PIBF1: variants seen among roughly 807,000 people sequenced by gnomAD.
The protein encoded by PIBF1 is progesterone immunomodulatory binding factor 1.
In PIBF1, 90 loss-of-function variants were observed where a neutral mutation model predicts 112.5. The observed-to-expected ratio is 0.80, with a 90% CI of 0.67 to 0.95. The LOEUF (loss-of-function observed/expected upper bound fraction) is 0.95. PIBF1 is among the 40% of genes least tolerant of loss of function. The pLI, the probability that PIBF1 is intolerant of heterozygous loss-of-function variation, is 0.00. For missense variants in PIBF1, 915 were observed against 852.3 expected (o/e 1.07, Z -0.92); for synonymous variants, 301 against 288.6 (o/e 1.04, Z -0.44).
intron 10 of PIBF1, among the ~76,000 whole-genome samples, chr13:72,876,430 C>T (rs1399539281): frequency 1.3e-5 from 2 of 151,902 alleles, no homozygotes; most frequent in African/African-American, 4.8e-5. Flanking sequence ...TTTTGCCTGT[C>T]TATATTAACT....
chr13:72,957,286 G>A (rs2042473733), intron 14 of PIBF1, among the ~76,000 whole-genome samples: 1 of 152,128 alleles, frequency 6.6e-6, no homozygotes, highest in Admixed American at 6.6e-5. Flanking sequence ...TCAATGAGTG[G>A]ATAAAGAAAA....
At chr13:72,844,751 A>ACACG (rs932069621) in intron 9 of PIBF1, among the ~76,000 whole-genome samples, 1 of 90,900 alleles carries the variant, frequency 1.1e-5, no homozygotes, top group African/African-American at 4.5e-5. Context: ...ACACACACAC[A>ACACG]CACACACACA....
At chr13:72,963,645 A>G (rs572323316) in intron 14 of PIBF1, among the ~76,000 whole-genome samples, 1 of 152,272 alleles carries the variant, frequency 6.6e-6, no homozygotes, top group South Asian at 2.1e-4. Flanking sequence ...TGAAAAGACA[A>G]CCCACAAAAT....
intron 9 of PIBF1, among the ~76,000 whole-genome samples, chr13:72,839,932 A>G (rs935018917): frequency 3.3e-5 from 5 of 152,126 alleles, no homozygotes; most frequent in African/African-American, 9.7e-5. Flanking sequence ...CTACCTAACC[A>G]GGGGATTCCT....
intron 12 of PIBF1, among the ~76,000 whole-genome samples, chr13:72,914,558 C>T (rs902497040): frequency 3.3e-5 from 5 of 152,044 alleles, no homozygotes; most frequent in Admixed American, 1.3e-4. Context: ...TTTCCCTTTC[C>T]GCAACTTCAG....
At chr13:72,887,795 T>C (rs1041309663) in intron 10 of PIBF1, among the ~76,000 whole-genome samples, 1 of 152,114 alleles carries the variant, frequency 6.6e-6, no homozygotes, top group Non-Finnish European at 1.5e-5. Context: ...GTACACTTCC[T>C]TTCTTTTTAT....
intron 10 of PIBF1, among the ~76,000 whole-genome samples, chr13:72,868,656 A>C (rs559361382): frequency 6.6e-6 from 1 of 152,214 alleles, no homozygotes; most frequent in South Asian, 2.1e-4. Flanking sequence ...CTTGGTATCC[A>C]GTATAACCAA....
At chr13:72,842,356 A>G (rs796510361) in intron 9 of PIBF1, among the ~76,000 whole-genome samples, 5 of 152,296 alleles carry the variant, frequency 3.3e-5, no homozygotes, top group African/African-American at 9.6e-5. Flanking sequence ...TAGCTTTACA[A>G]TTGTTTGAAA....
At chr13:72,919,768 G>A (rs992365999) in intron 13 of PIBF1, among the ~76,000 whole-genome samples, 6 of 152,130 alleles carry the variant, frequency 3.9e-5, no homozygotes, top group Admixed American at 2.6e-4. Flanking sequence ...AGGAGTTTGA[G>A]AACAGCCTGG....
chr13:72,798,809 C>G (rs1252220854), intron 5 of PIBF1, among the ~76,000 whole-genome samples: 1 of 152,120 alleles, frequency 6.6e-6, no homozygotes, highest in African/African-American at 2.4e-5. Context: ...GAAAACACTT[C>G]TAGTTTACAA....
At chr13:72,911,133 A>G (rs2040878563) in intron 12 of PIBF1, among the ~76,000 whole-genome samples, 2 of 151,976 alleles carry the variant, frequency 1.3e-5, no homozygotes, top group South Asian at 4.2e-4. Context: ...TGCGATGATC[A>G]TGCCTGTGAA....
In PIBF1 at chr13:72,835,247, C is replaced by A; in HGVS notation, c.1102C>A (p.His368Asn). ...GTTCCTTTTCACTCCTTGCAGAGACCATTATAAAACAGAATATGAAAATAA... is the reference window on the plus strand; with the variant it reads ...GTTCCTTTTCACTCCTTGCAGAGACAATTATAAAACAGAATATGAAAATAA... ...MYEKYVASRD[H>N]YKTEYENKLH... is the part of the protein sequence containing the mutation. The change falls in exon 9 of 18, where the codon CAT becomes AAT. Residue 368 changes from histidine (H) to asparagine (N), a missense_variant. Coordinates refer to ENST00000326291, the MANE Select transcript of PIBF1 (RefSeq NM_006346.4). The A allele has an allele frequency of 6.4e-7, 1 of 1,555,724 alleles. No homozygotes were observed. The highest frequency in any genetic ancestry group is 8.6e-7 in the Non-Finnish European group (1 of 1,158,400).
At chr13:72,929,504 T>C (rs1057015465) in intron 13 of PIBF1, among the ~76,000 whole-genome samples, 1 of 152,126 alleles carries the variant, frequency 6.6e-6, no homozygotes, top group Non-Finnish European at 1.5e-5. Flanking sequence ...GGAGAGTGAC[T>C]GGTAATGGAC....
intron 10 of PIBF1, among the ~76,000 whole-genome samples, chr13:72,879,797 GAAATAA>G (rs1276637618): frequency 2.6e-5 from 4 of 151,876 alleles, no homozygotes; most frequent in East Asian, 1.9e-4. Context: ...TTATGAGGGG[GAAATAA>G]AAATAAAAAT....
At chr13:73,004,597 A>G (rs569102111) in intron 17 of PIBF1, among the ~76,000 whole-genome samples, 1 of 152,176 alleles carries the variant, frequency 6.6e-6, no homozygotes, top group African/African-American at 2.4e-5. Context: ...TGTATTTTCT[A>G]TATCTAGACT....
chr13:72,863,018 A>T (rs1243022101), intron 10 of PIBF1, among the ~76,000 whole-genome samples: 1 of 152,202 alleles, frequency 6.6e-6, no homozygotes, highest in Non-Finnish European at 1.5e-5. Context: ...TGGTAAGAGA[A>T]ATAGTGTTTG....
At chr13:72,994,681 C>T (rs2043590828) in intron 16 of PIBF1, among the ~76,000 whole-genome samples, 2 of 152,052 alleles carry the variant, frequency 1.3e-5, no homozygotes, top group Non-Finnish European at 2.9e-5. Flanking sequence ...ACAATGAGAG[C>T]GGAATCTGAA....
intron 16 of PIBF1, among the ~76,000 whole-genome samples, chr13:72,984,014 AATT>A (rs1403790449): frequency 6.6e-6 from 1 of 152,172 alleles, no homozygotes; most frequent in Non-Finnish European, 1.5e-5. Context: ...AGAGAAAGAT[AATT>A]ATTATAGTGA....
intron 17 of PIBF1, among the ~76,000 whole-genome samples, chr13:73,007,763 C>G (rs1174201357): frequency 2.1e-4 from 32 of 150,294 alleles, no homozygotes; most frequent in Admixed American, 6.7e-5. Flanking sequence ...GAGACAAGAT[C>G]GCACTGTTGC....
Sources: gnomAD v4.1 joint callset for allele counts (sites outside exome capture counted in the v4.1 genomes callset) on GRCh38, gnomAD v4.1.1 for gene constraint, MANE v1.5 for transcripts, NCBI Gene and HGNC (gene_info 2026-07-23, HGNC 2026-07-21) for gene names.